The following RSPRY1 variants were observed in gnomAD, a reference collection of about 807,000 sequenced individuals.
RSPRY1 encodes the protein ring finger and SPRY domain containing 1.
A neutral mutation model predicts 73.1 loss-of-function variants in RSPRY1; 23 were observed. That is an observed-to-expected ratio of 0.31 (90% CI 0.23 to 0.45). The LOEUF (loss-of-function observed/expected upper bound fraction) is 0.45, where lower values mean the gene tolerates loss of function less well. RSPRY1 is among the 20% of genes least tolerant of loss of function. The pLI, the probability that RSPRY1 is intolerant of heterozygous loss-of-function variation, is 1.00. For missense variants in RSPRY1, 448 were observed against 698.7 expected (o/e 0.64, Z 4.05); for synonymous variants, 226 against 251.4 (o/e 0.90, Z 0.95).
chr16:57,235,483 C>T (rs151014640), intron 14 of RSPRY1, among the ~76,000 whole-genome samples: 2 of 152,278 alleles, frequency 1.3e-5, no homozygotes, highest in African/African-American at 4.8e-5. Flanking sequence ...TATTTATGAG[C>T]TTCCTAGGCA....
intron 6 of RSPRY1, 102 bp from the exon 7 acceptor site, chr16:57,216,005 A>C (rs2074932065): frequency 1.1e-6 from 1 of 873,786 alleles, no homozygotes; most frequent in African/African-American, 1.7e-5. Context: ...CCACTCGAAA[A>C]AACATCTAGC....
At chr16:57,196,612 G>A (rs2074452278) in intron 1 of RSPRY1, among the ~76,000 whole-genome samples, 1 of 152,172 alleles carries the variant, frequency 6.6e-6, no homozygotes, top group African/African-American at 2.4e-5. Context: ...TCTATGGGAT[G>A]ATCAAGCTAC....
At chr16:57,199,202 A>AT (rs1391664658) in intron 1 of RSPRY1, among the ~76,000 whole-genome samples, 1 of 152,220 alleles carries the variant, frequency 6.6e-6, no homozygotes, top group Non-Finnish European at 1.5e-5. Flanking sequence ...AGTTAGATTT[A>AT]AAGAAAAAGC....
Position 57,239,668 on chromosome 16 carries a change from A to G in RSPRY1, c.*693A>G, listed in dbSNP as rs1180150834. On this transcript the variant is annotated 3_prime_UTR_variant, in exon 15 of 15. Transcript: ENST00000394420. ...GTATTTTCACATTCATAGTGTTTCT[A>G]TCCAATTTCAGTACCCACATTTAAT... 1 of 150,342 alleles carries G rather than the reference A, an allele frequency of 6.7e-6. No individual in the cohort carries two copies. Among genetic ancestry groups the G allele is most frequent in the East Asian group, 1.9e-4 (1 of 5,154 alleles). The allele number at this position is 150,342 out of a possible 1,614,324, so 9.3% of individuals were successfully genotyped here.
intron 8 of RSPRY1, among the ~76,000 whole-genome samples, chr16:57,218,189 T>C (rs2074971452): frequency 6.6e-6 from 1 of 152,208 alleles, no homozygotes; most frequent in Non-Finnish European, 1.5e-5. Context: ...TATATAGTAA[T>C]ACATATTTTT....
At chr16:57,211,021 G>T (rs1448942551) in intron 4 of RSPRY1, among the ~76,000 whole-genome samples, 1 of 152,120 alleles carries the variant, frequency 6.6e-6, no homozygotes, top group African/African-American at 2.4e-5. Flanking sequence ...TTGTATCTCA[G>T]GTGGCGATCT....
At chr16:57,216,562 T>C (rs2074943921) in intron 7 of RSPRY1, 1 of 321,716 alleles carries the variant, frequency 3.1e-6, no homozygotes, top group Admixed American at 4.5e-5. Context: ...TACAAAAAAT[T>C]TTAAAAAATC....
intron 3 of RSPRY1, 71 bp downstream of exon 3, chr16:57,208,181 T>TTTTG: frequency 1.0e-6 from 1 of 975,316 alleles, no homozygotes; most frequent in Non-Finnish European, 1.5e-6. Context: ...CACCTTTTGT[T>TTTTG]TTTTGTTTTG....
chr16:57,210,936 T>TG (rs1191179296), intron 4 of RSPRY1, among the ~76,000 whole-genome samples: 1 of 152,064 alleles, frequency 6.6e-6, no homozygotes, highest in East Asian at 1.9e-4. Context: ...GAGGATCACT[T>TG]GCAATCTGGA....
At position 57,215,027 on chromosome 16, in the gene RSPRY1, C is replaced by CA. The variant is rs1403105827; in HGVS notation, c.703-1067dup. Among the ~76,000 whole-genome samples the CA allele has an allele frequency of 1.9e-3, 245 of 125,710 alleles. 1 individual carries two copies. The highest frequency in any genetic ancestry group is 8.9e-3 in the Admixed American group (108 of 12,188). 82.5% of individuals were successfully genotyped at this position (125,710 alleles called of 152,430 possible). A position where few individuals can be genotyped will look rare whatever the true frequency, so the allele number is the denominator to read the frequency against. ...TGGGCGACAGAGCGAGACTCCATCT[C>CA]AAAAAAAAAAAAAGACTAAATGAGA... is the stretch of plus-strand genomic sequence containing the variant. On this transcript the variant is annotated intron_variant, in intron 6 of 14. Coordinates refer to ENST00000394420, the MANE Select transcript of RSPRY1 (RefSeq NM_133368.3).
chr16:57,195,691 C>T (rs1238676570), intron 1 of RSPRY1, among the ~76,000 whole-genome samples: 3 of 148,166 alleles, frequency 2.0e-5, no homozygotes, highest in Admixed American at 2.0e-4. Context: ...TCAAAGTTGA[C>T]TTCACCAGCT....
intron 1 of RSPRY1, among the ~76,000 whole-genome samples, chr16:57,199,223 G>T (rs1326914617): frequency 6.6e-6 from 1 of 152,202 alleles, no homozygotes; most frequent in African/African-American, 2.4e-5. Flanking sequence ...GGCTGGGCGC[G>T]GCGGTTGATG....
chr16:57,238,863 C>T lies in RSPRY1; in HGVS notation c.1635-16C>T. 1 of 1,504,408 alleles carries T rather than the reference C, an allele frequency of 6.6e-7. No individual in the cohort carries two copies. Among genetic ancestry groups the T allele is most frequent in the Non-Finnish European group, 9.0e-7 (1 of 1,114,856 alleles). 93.2% of individuals were successfully genotyped at this position (1,504,408 alleles called of 1,614,324 possible). ...TGAAGCATTAACTTGACTGACTTTT[C>T]TGTGTTTCTCCCCAGTGACCTGTGC... On this transcript the variant is annotated splice_polypyrimidine_tract_variant and intron_variant, in intron 14 of 14. Transcript: ENST00000394420.
At chr16:57,216,652 C>A (rs2074946205) in intron 7 of RSPRY1, 1 of 453,002 alleles carries the variant, frequency 2.2e-6, no homozygotes, top group East Asian at 4.1e-5. Flanking sequence ...CCCAGTAGTT[C>A]AAGGTTACAG....
intron 11 of RSPRY1, among the ~76,000 whole-genome samples, chr16:57,227,838 T>G (rs1418413507): frequency 6.6e-6 from 1 of 152,138 alleles, no homozygotes; most frequent in African/African-American, 2.4e-5. Flanking sequence ...ACAGGTCCTA[T>G]CCAGTGGCCA....
intron 1 of RSPRY1, among the ~76,000 whole-genome samples, chr16:57,204,130 C>T (rs1243298472): frequency 2.0e-5 from 3 of 151,620 alleles, no homozygotes; most frequent in South Asian, 2.1e-4. Context: ...TAACACCTAC[C>T]TCTTACACAG....
At chr16:57,200,217 TG>T (rs553659219) in intron 1 of RSPRY1, among the ~76,000 whole-genome samples, 1,916 of 148,580 alleles carry the variant, frequency 0.013, 74 homozygotes, top group Admixed American at 0.096. Context: ...AGCACAGGGT[TG>T]GGGGTAAGGT....
Position 57,213,807 on chromosome 16 carries a change from A to G in RSPRY1, c.644-81A>G, listed in dbSNP as rs774733900. 28 of 1,053,652 alleles carry G rather than the reference A, an allele frequency of 2.7e-5. 1 individual carries two copies. The highest frequency in any genetic ancestry group is 8.8e-5 in the South Asian group (7 of 79,244). The allele number at this position is 1,053,652 out of a possible 1,614,324, so 65.3% of individuals were successfully genotyped here. A position where few individuals can be genotyped will look rare whatever the true frequency, so the allele number is the denominator to read the frequency against. ...AAGATAATGTGCATGAAAGAGTTCT[A>G]CCAAAACAATTTGATTGTTACCAGT... is the stretch of plus-strand genomic sequence containing the variant. On this transcript the variant is annotated intron_variant, in intron 5 of 14. Coordinates refer to ENST00000394420, the MANE Select transcript of RSPRY1 (RefSeq NM_133368.3).
At chr16:57,219,304 A>G (rs1023279618) in intron 8 of RSPRY1, among the ~76,000 whole-genome samples, 1 of 152,150 alleles carries the variant, frequency 6.6e-6, no homozygotes, top group African/African-American at 2.4e-5. Context: ...CCTTTTCTCC[A>G]TATCCTCACC....
Sources: gnomAD v4.1 joint callset for allele counts (sites outside exome capture counted in the v4.1 genomes callset) on GRCh38, gnomAD v4.1.1 for gene constraint, MANE v1.5 for transcripts, NCBI Gene and HGNC (gene_info 2026-07-23, HGNC 2026-07-21) for gene names.